The following TACR1 variants were observed in gnomAD, a reference collection of about 807,000 sequenced individuals.
TACR1 encodes tachykinin receptor 1.
TACR1 carries 25 observed loss-of-function variants against 35.8 expected under a neutral mutation model. That is an observed-to-expected ratio of 0.70 (90% CI 0.51 to 0.98). The LOEUF (loss-of-function observed/expected upper bound fraction) is 0.98. Among genes scored for constraint, TACR1 ranks in the 50% least tolerant of loss-of-function variants. The probability of loss-of-function intolerance (pLI) is 0.00; values close to 1 mark genes in which losing one functional copy is unlikely to be tolerated. For synonymous variants in TACR1, 195 were observed against 206.7 expected (o/e 0.94, Z 0.48); for missense variants, 478 against 522.9 (o/e 0.91, Z 0.84).
intron 2 of TACR1, among the ~76,000 whole-genome samples, chr2:75,060,681 G>A (rs369255797): frequency 2.6e-5 from 4 of 152,354 alleles, no homozygotes; most frequent in South Asian, 4.1e-4. Flanking sequence ...GTTTTAAACA[G>A]AGAATGAACA....
intron 1 of TACR1, among the ~76,000 whole-genome samples, chr2:75,179,509 TATC>T (rs1675509300): frequency 6.6e-6 from 1 of 152,214 alleles, no homozygotes; most frequent in African/African-American, 2.4e-5. Context: ...GATTGCTTCT[TATC>T]ATGCATAGAA....
chr2:75,163,571 A>G (rs1303040010), intron 1 of TACR1, among the ~76,000 whole-genome samples: 1 of 152,214 alleles, frequency 6.6e-6, no homozygotes, highest in African/African-American at 2.4e-5. Flanking sequence ...TATCAGATAA[A>G]TGAGAAAAAA....
intron 1 of TACR1, among the ~76,000 whole-genome samples, chr2:75,167,224 A>T (rs368444690): frequency 6.6e-6 from 1 of 152,228 alleles, no homozygotes; most frequent in East Asian, 1.9e-4. Context: ...CAATGTTTTT[A>T]TATTTTAATG....
chr2:75,069,116 A>T (rs1208175435), intron 2 of TACR1, among the ~76,000 whole-genome samples: 1 of 152,096 alleles, frequency 6.6e-6, no homozygotes, highest in Non-Finnish European at 1.5e-5. Flanking sequence ...GTTCCCCTGC[A>T]CCAGCTCTCT....
At chr2:75,173,340 G>T (rs1675335255) in intron 1 of TACR1, among the ~76,000 whole-genome samples, 2 of 152,176 alleles carry the variant, frequency 1.3e-5, no homozygotes, top group South Asian at 4.1e-4. Context: ...CTGACTGCCA[G>T]ATTAATCTGG....
chr2:75,051,229 C>T (rs746965740), intron 4 of TACR1, 22 bp downstream of exon 4: 2 of 1,614,046 alleles, frequency 1.2e-6, no homozygotes, highest in Non-Finnish European at 1.7e-6. Context: ...CCCTGGAGAG[C>T]TCATGGGGTT....
intron 2 of TACR1, among the ~76,000 whole-genome samples, chr2:75,113,532 C>CTTTTTTTTTTTTTTTTTTTTTTTT (rs11437762): frequency 2.2e-5 from 2 of 92,084 alleles, no homozygotes; most frequent in Non-Finnish European, 3.9e-5. Context: ...TTTCTTCTTC[C>CTTTTTTTTTTTTTTTTTTTTTTTT]TTTTTTTTTT....
chr2:75,096,764 C>T (rs1673432652), intron 2 of TACR1, among the ~76,000 whole-genome samples: 1 of 152,214 alleles, frequency 6.6e-6, no homozygotes, highest in Non-Finnish European at 1.5e-5. Context: ...CCTCCCACTT[C>T]ACTGAGAATA....
chr2:75,079,201 T>C (rs1448884754), intron 2 of TACR1, among the ~76,000 whole-genome samples: 1 of 152,160 alleles, frequency 6.6e-6, no homozygotes, highest in East Asian at 1.9e-4. Flanking sequence ...GTAAGTCCCA[T>C]GCCTCTTCCA....
chr2:75,185,784 T>TTAAGCC (rs759887248), intron 1 of TACR1, among the ~76,000 whole-genome samples: 17 of 152,198 alleles, frequency 1.1e-4, no homozygotes, highest in Admixed American at 3.3e-4. Flanking sequence ...AGCAAAAGGC[T>TTAAGCC]TAAGATGGCT....
chr2:75,075,075 T>C (rs945767974), intron 2 of TACR1, among the ~76,000 whole-genome samples: 4 of 152,184 alleles, frequency 2.6e-5, no homozygotes, highest in African/African-American at 9.7e-5. Flanking sequence ...CCAGGAATTG[T>C]CCCATGTTAA....
At chr2:75,093,351 A>G (rs1245483918) in intron 2 of TACR1, among the ~76,000 whole-genome samples, 1 of 152,190 alleles carries the variant, frequency 6.6e-6, no homozygotes, top group Non-Finnish European at 1.5e-5. Flanking sequence ...AATGAAAGGA[A>G]GCAGAAGGCT....
chr2:75,113,982 C>A lies in TACR1; in HGVS notation c.584+6592G>T, dbSNP rs186138151. ...ATTGTGAACGAAAGTAAAGAATACA[C>A]ATAGATATAAAAATTTCGGCTGATT... On this transcript the variant is annotated intron_variant, in intron 2 of 4. Coordinates refer to ENST00000305249, the MANE Select transcript of TACR1 (RefSeq NM_001058.4). Among the ~76,000 whole-genome samples the A allele has an allele frequency of 1.8e-3, 276 of 152,188 alleles. 1 individual carries two copies. Among genetic ancestry groups the A allele is most frequent in the African/African-American group, 6.1e-3 (254 of 41,516 alleles).
Position 75,199,060 on chromosome 2 carries a change from G to T in TACR1, c.-126C>A. On this transcript the variant is annotated 5_prime_UTR_variant, in exon 1 of 5. Transcript: ENST00000305249. ...ACAGGAGGGTGGAAGGCTTTTTCTG[G>T]GCAGCACTCTTTTTGAAAGCTGAAC... 1 of 1,207,910 alleles carries T rather than the reference G, an allele frequency of 8.3e-7. No homozygotes were observed. The highest frequency in any genetic ancestry group is 1.1e-6 in the Non-Finnish European group (1 of 877,616). The allele number at this position is 1,207,910 out of a possible 1,614,324, so 74.8% of individuals were successfully genotyped here.
chr2:75,073,256 C>T (rs1418193115), intron 2 of TACR1, among the ~76,000 whole-genome samples: 2 of 152,218 alleles, frequency 1.3e-5, no homozygotes, highest in African/African-American at 4.8e-5. Context: ...CTAATTTTTA[C>T]AGAGAAGCTC....
intron 2 of TACR1, among the ~76,000 whole-genome samples, chr2:75,073,921 T>C (rs1672928939): frequency 6.6e-6 from 1 of 152,178 alleles, no homozygotes; most frequent in Non-Finnish European, 1.5e-5. Flanking sequence ...CCTTTCCTAC[T>C]CAAGGGCTGT....
Position 75,198,584 on chromosome 2 carries a change from G to A in TACR1, c.351C>T (p.Phe117=), listed in dbSNP as rs1466948806. Residue 117 remains phenylalanine (F), a synonymous_variant, in exon 1 of 5, where the codon TTC becomes TTT. Coordinates refer to ENST00000305249, the MANE Select transcript of TACR1 (RefSeq NM_001058.4). ...FHNFFPIAAV[F]ASIYSMTAVA... is the part of the protein sequence containing the mutation. ...CAGCCGTCATGGAGTAGATACTGGC[G>A]AAGACAGCGGCGATGGGAAAGAAGT... The A allele has an allele frequency of 5.6e-6, 9 of 1,614,052 alleles. No individual in the cohort carries two copies. In the African/African-American group the frequency reaches 6.7e-5, roughly 12 times the overall value.
chr2:75,059,231 CCTGTGACAGG>C (rs1272449498), intron 2 of TACR1, among the ~76,000 whole-genome samples: 1 of 152,178 alleles, frequency 6.6e-6, no homozygotes, highest in African/African-American at 2.4e-5. Context: ...CTTGAATACC[CCTGTGACAGG>C]CTGCTCACTA....
Position 75,129,050 on chromosome 2 carries a change from A to C in TACR1, c.390-8282T>G, listed in dbSNP as rs189162446. On this transcript the variant is annotated intron_variant, in intron 1 of 4. Transcript: ENST00000305249. ...ATAGAAATTTGACTGGGGAGGTGAT[A>C]ATAGGACCACATTAGCTCCAGCAGC... Among the ~76,000 whole-genome samples, 6 of 152,326 alleles carry C rather than the reference A, an allele frequency of 3.9e-5. No individual in the cohort carries two copies. The East Asian group carries it at 1.2e-3, about 29-fold the overall frequency.
Sources: gnomAD v4.1 joint callset for allele counts (sites outside exome capture counted in the v4.1 genomes callset) on GRCh38, gnomAD v4.1.1 for gene constraint, MANE v1.5 for transcripts, NCBI Gene and HGNC (gene_info 2026-07-23, HGNC 2026-07-21) for gene names.